IGFBP4: variants seen among roughly 807,000 people sequenced by gnomAD.
IGFBP4 encodes insulin-like growth factor-binding protein 4.
A neutral mutation model predicts 25.8 loss-of-function variants in IGFBP4; 9 were observed. That is an observed-to-expected ratio of 0.35 (90% CI 0.21 to 0.61). The LOEUF is 0.61. Among genes scored for constraint, IGFBP4 ranks in the 20% least tolerant of loss-of-function variants. The pLI is 0.77. For missense variants in IGFBP4, 315 were observed against 365.3 expected, an observed-to-expected ratio of 0.86 and a Z score of 1.12; for synonymous variants, 153 against 153.9, an observed-to-expected ratio of 0.99 and a Z score of 0.05.
In IGFBP4 at chr17:40,443,685, C is replaced by T. The variant is rs1004790569; in HGVS notation, c.-51C>T. ...TCCGCCGCTCGCCCGCGCGCCCGCG[C>T]TCCCCGCCTGCGCCCAGCGCCCCGC... On this transcript the variant is annotated 5_prime_UTR_variant, in exon 1 of 4. Coordinates refer to ENST00000269593, the MANE Select transcript of IGFBP4 (RefSeq NM_001552.3). 6.3e-6 allele frequency: 7 copies of T among 1,116,046 alleles called. No individual in the cohort carries two copies. Among genetic ancestry groups the T allele is most frequent in the Non-Finnish European group, 7.8e-6 (7 of 894,858 alleles). The allele number at this position is 1,116,046 out of a possible 1,614,324, so 69.1% of individuals were successfully genotyped here.
intron 1 of IGFBP4, among the ~76,000 whole-genome samples, chr17:40,446,179 A>AG (rs2035644167): frequency 6.6e-6 from 1 of 151,274 alleles, no homozygotes; most frequent in African/African-American, 2.4e-5. Flanking sequence ...CAAAAAAAAA[A>AG]AAAAAAAAAT....
Position 40,443,951 on chromosome 17 carries a change from C to T in IGFBP4, c.216C>T (p.Pro72=). Residue 72 remains proline, a synonymous_variant, in exon 1 of 4, where the codon CCC becomes CCT. Transcript: ENST00000269593. ...GGATGCCCTGCGGGGTGTACACCCC[C>T]CGTTGCGGCTCGGGCCTGCGCTGCT... ...GLGMPCGVYT[P]RCGSGLRCYP... 6 of 1,531,850 alleles carry T rather than the reference C, an allele frequency of 3.9e-6. No homozygotes were observed. Among genetic ancestry groups the T allele is most frequent in the Non-Finnish European group, 5.2e-6 (6 of 1,144,492 alleles). 94.9% of individuals were successfully genotyped at this position (1,531,850 alleles called of 1,614,324 possible).
Position 40,456,720 on chromosome 17 carries a change from T to A in IGFBP4, c.*137T>A. On this transcript the variant is annotated 3_prime_UTR_variant, in exon 4 of 4. Coordinates refer to ENST00000269593, the MANE Select transcript of IGFBP4 (RefSeq NM_001552.3). ...CAGAAGTTTCCCTCAAATGCGCGTGTGCACGTGTGCGTGTGCGTGCGTGTG... is the reference window on the plus strand; with the variant it reads ...CAGAAGTTTCCCTCAAATGCGCGTGAGCACGTGTGCGTGTGCGTGCGTGTG... The A allele has an allele frequency of 1.2e-6, 1 of 813,574 alleles. No individual in the cohort carries two copies. The highest frequency in any genetic ancestry group is 1.9e-6 in the Non-Finnish European group (1 of 525,170). The allele number at this position is 813,574 out of a possible 1,614,324, so 50.4% of individuals were successfully genotyped here.
rs1460030489 is a variant in IGFBP4 at position 40,456,735 on chromosome 17, G to A, written c.*152G>A. ...AATGCGCGTGTGCACGTGTGCGTGT[G>A]CGTGCGTGTGTGTGTGTTTGTGAGC... is the stretch of plus-strand genomic sequence containing the variant. On this transcript the variant is annotated 3_prime_UTR_variant, in exon 4 of 4. Transcript: ENST00000269593. 2 of 699,622 alleles carry A rather than the reference G, an allele frequency of 2.9e-6. No individual in the cohort carries two copies. The highest frequency in any genetic ancestry group is 5.6e-5 in the East Asian group (2 of 35,930). The allele number at this position is 699,622 out of a possible 1,614,324, so 43.3% of individuals were successfully genotyped here.
At chr17:40,447,370 G>T (rs758773292) in intron 1 of IGFBP4, among the ~76,000 whole-genome samples, 3 of 152,242 alleles carry the variant, frequency 2.0e-5, no homozygotes, top group Non-Finnish European at 4.4e-5. Context: ...TGGAATCTGG[G>T]GGAGTGGACA....
chr17:40,447,494 G>GC (rs1291933130), intron 1 of IGFBP4, among the ~76,000 whole-genome samples: 3 of 152,146 alleles, frequency 2.0e-5, no homozygotes, highest in Non-Finnish European at 2.9e-5. Flanking sequence ...AGCAAATTCT[G>GC]CCCCCCTACT....
chr17:40,453,825 G>A lies in IGFBP4; in HGVS notation c.508-103G>A. The A allele has an allele frequency of 1.2e-6, 1 of 824,818 alleles. No homozygotes were observed. The allele number at this position is 824,818 out of a possible 1,614,324, so 51.1% of individuals were successfully genotyped here. A position where few individuals can be genotyped will look rare whatever the true frequency, so the allele number is the denominator to read the frequency against. ...GGTCCTGCCCAGCCCCTGGGGCTCAGGCCTCCTTTCGGGGCCTTCAGTTCT... is the reference window on the plus strand; with the variant it reads ...GGTCCTGCCCAGCCCCTGGGGCTCAAGCCTCCTTTCGGGGCCTTCAGTTCT... On this transcript the variant is annotated intron_variant, in intron 2 of 3. Coordinates refer to ENST00000269593, the MANE Select transcript of IGFBP4 (RefSeq NM_001552.3). The surrounding 1 kb of genome is among the most constrained non-coding windows in gnomAD (Gnocchi z 4.0).
At chr17:40,455,971 T>C (rs1324032781) in intron 3 of IGFBP4, among the ~76,000 whole-genome samples, 2 of 152,226 alleles carry the variant, frequency 1.3e-5, no homozygotes, top group Admixed American at 6.5e-5. Context: ...CCTTGACCTC[T>C]GTCTTTATCC....
chr17:40,447,061 G>A (rs1033239745), intron 1 of IGFBP4, among the ~76,000 whole-genome samples: 3 of 152,238 alleles, frequency 2.0e-5, no homozygotes, highest in South Asian at 2.1e-4. Flanking sequence ...TAGCTTGGTC[G>A]AGGGTACCTG....
chr17:40,445,725 G>A (rs1331497619), intron 1 of IGFBP4, among the ~76,000 whole-genome samples: 1 of 152,226 alleles, frequency 6.6e-6, no homozygotes, highest in Non-Finnish European at 1.5e-5. Context: ...TGGTAGAGGA[G>A]GGGTACTGAG....
intron 3 of IGFBP4, 131 bp from the exon 4 acceptor site, chr17:40,456,318 A>ACCACCCT: frequency 1.2e-6 from 1 of 838,522 alleles, no homozygotes; most frequent in Non-Finnish European, 1.9e-6. Context: ...AAAAAGAGTC[A>ACCACCCT]CCACCCTCAG....
chr17:40,446,728 C>T (rs2035648462), intron 1 of IGFBP4, among the ~76,000 whole-genome samples: 1 of 152,214 alleles, frequency 6.6e-6, no homozygotes, highest in Admixed American at 6.5e-5. Context: ...TCCCCCTTTC[C>T]TCCTTGCCTT....
intron 1 of IGFBP4, among the ~76,000 whole-genome samples, chr17:40,452,353 A>G (rs1349290140): frequency 6.6e-6 from 1 of 152,196 alleles, no homozygotes; most frequent in Non-Finnish European, 1.5e-5. Context: ...CTGGGGCCAC[A>G]CAGGTTGTGT....
intron 1 of IGFBP4, among the ~76,000 whole-genome samples, chr17:40,447,279 C>A (rs1323242859): frequency 6.6e-6 from 1 of 152,214 alleles, no homozygotes; most frequent in Admixed American, 6.5e-5. Flanking sequence ...TGGCTTAACA[C>A]CACTGAGGCC....
At chr17:40,448,867 G>A (rs1181635659) in intron 1 of IGFBP4, among the ~76,000 whole-genome samples, 2 of 152,302 alleles carry the variant, frequency 1.3e-5, no homozygotes, top group East Asian at 3.9e-4. Context: ...GACCAGGGCA[G>A]GGTCAGAGTG....
intron 3 of IGFBP4, among the ~76,000 whole-genome samples, chr17:40,455,516 C>T (rs1452904568): frequency 6.6e-6 from 1 of 151,310 alleles, no homozygotes; most frequent in Non-Finnish European, 1.5e-5. Context: ...GAGTTTGTCT[C>T]TTGTTGCCGA....
rs1467402903 is a variant in IGFBP4 at position 40,453,728 on chromosome 17, G to A, written c.508-200G>A. ...CTCCTTTGAAGAAGCTCTTTGGCTC[G>A]AGACCCTTTCCTCCACGTCTCTACC... On this transcript the variant is annotated intron_variant, in intron 2 of 3. Transcript: ENST00000269593. The surrounding 1 kb of genome is among the most constrained non-coding windows in gnomAD (Gnocchi z 4.0). 6.6e-6 allele frequency among the ~76,000 whole-genome samples: 1 copy of A among 151,204 alleles called. No individual in the cohort carries two copies. The highest frequency in any genetic ancestry group is 6.6e-5 in the Admixed American group (1 of 15,206).
chr17:40,454,178 C>T, intron 3 of IGFBP4, 116 bp downstream of exon 3: 1 of 1,426,726 alleles, frequency 7.0e-7, no homozygotes, highest in Non-Finnish European at 9.3e-7. Flanking sequence ...TCAACCCCAA[C>T]CCAACCCCTT....
rs968653100 is a variant in IGFBP4, at chr17:40,443,722, G to C, written c.-14G>C. The C allele has an allele frequency of 1.9e-5, 27 of 1,426,554 alleles. No individual in the cohort carries two copies. Among genetic ancestry groups the C allele is most frequent in the African/African-American group, 3.0e-5 (2 of 65,908 alleles). 88.4% of individuals were successfully genotyped at this position (1,426,554 alleles called of 1,614,324 possible). On this transcript the variant is annotated 5_prime_UTR_variant, in exon 1 of 4. Coordinates refer to ENST00000269593, the MANE Select transcript of IGFBP4 (RefSeq NM_001552.3). ...GCCCAGCGCCCCGCGCCCGCGCCCAGTCCTCGGGCGGTCATGCTGCCCCTC... is the reference window on the plus strand; with the variant it reads ...GCCCAGCGCCCCGCGCCCGCGCCCACTCCTCGGGCGGTCATGCTGCCCCTC...
Sources: gnomAD v4.1 joint callset for allele counts (sites outside exome capture counted in the v4.1 genomes callset) on GRCh38, gnomAD v4.1.1 for gene constraint, Gnocchi (gnomAD v3.1) non-coding constraint, MANE v1.5 for transcripts, NCBI Gene and HGNC (gene_info 2026-07-23, HGNC 2026-07-21) for gene names.